The following CACNA1D variants were observed in gnomAD, a reference collection of about 807,000 sequenced individuals.
CACNA1D encodes voltage-dependent L-type calcium channel subunit alpha-1D.
A neutral mutation model predicts 257.1 loss-of-function variants in CACNA1D; 55 were observed. That is an observed-to-expected ratio of 0.21 (90% CI 0.17 to 0.27). CACNA1D has a LOEUF of 0.27. Ranked by LOEUF, CACNA1D falls within the 10% of genes least tolerant of loss-of-function variation. CACNA1D has a pLI of 1.00. For synonymous variants in CACNA1D, 980 were observed against 1,014.9 expected (o/e 0.97, Z 0.65); for missense variants, 1,876 against 2,784.0 (o/e 0.67, Z 7.34).
chr3:53,732,092 C>G lies in CACNA1D; in HGVS notation c.2473+10C>G. 6.2e-7 allele frequency: 1 copy of G among 1,603,292 alleles called. No homozygotes were observed. Among genetic ancestry groups the G allele is most frequent in the Non-Finnish European group, 8.5e-7 (1 of 1,170,168 alleles). On this transcript the variant is annotated intron_variant, in intron 18 of 47. Transcript: ENST00000350061. Reference sequence around the variant, plus strand: ...CCTTGCGATGTGCCAGGTATGGTGGCGGAGGCCGGAGACGCTGGCTTTGCT... The same window carrying G: ...CCTTGCGATGTGCCAGGTATGGTGGGGGAGGCCGGAGACGCTGGCTTTGCT...
intron 3 of CACNA1D, among the ~76,000 whole-genome samples, chr3:53,594,962 A>G (rs1559891596): frequency 6.6e-6 from 1 of 152,218 alleles, no homozygotes; most frequent in South Asian, 2.1e-4. Flanking sequence ...GAATTCGTCT[A>G]TTGATCAGGC....
At chr3:53,506,793 C>T (rs1303444307) in intron 3 of CACNA1D, among the ~76,000 whole-genome samples, 3 of 152,196 alleles carry the variant, frequency 2.0e-5, no homozygotes, top group East Asian at 3.8e-4. Flanking sequence ...AGAAGAAAGA[C>T]AAGTACTTGA....
intron 2 of CACNA1D, among the ~76,000 whole-genome samples, chr3:53,498,174 G>C (rs2090431307): frequency 6.6e-6 from 1 of 152,158 alleles, no homozygotes; most frequent in South Asian, 2.1e-4. Flanking sequence ...TCTTCCTCCT[G>C]GGCCCTTATG....
At position 53,811,308 on chromosome 3, in the gene CACNA1D, C is replaced by A. The variant is rs550084711; in HGVS notation, c.6388C>A (p.Leu2130Ile). The A allele has an allele frequency of 6.2e-7, 1 of 1,613,222 alleles. No homozygotes were observed. Among genetic ancestry groups the A allele is most frequent in the East Asian group, 2.2e-5 (1 of 44,848 alleles). Residue 2130 changes from leucine (L) to isoleucine (I), a missense_variant, in exon 48 of 48, where the codon CTA (leucine) becomes ATA (isoleucine). Physicochemically the swap from Leu to Ile is conservative, Grantham distance 5. Around this residue, in one of 10 missense-constraint regions of CACNA1D, gnomAD observed 491 missense variants for 554.3 expected, o/e 0.89. Coordinates refer to ENST00000350061, the MANE Select transcript of CACNA1D (RefSeq NM_001128840.3). The surrounding 1 kb of genome is among the most constrained non-coding windows in gnomAD (Gnocchi z 4.2). Reference protein sequence around the residue: ...GPLSHRQDYELQDFGPGYSDE... With the variant: ...GPLSHRQDYEIQDFGPGYSDE... ...CCTCTCACACCGGCAGGACTATGAG[C>A]TACAGGACTTTGGTCCTGGCTACAG...
At chr3:53,608,606 T>C (rs959915810) in intron 3 of CACNA1D, among the ~76,000 whole-genome samples, 4 of 152,228 alleles carry the variant, frequency 2.6e-5, no homozygotes, top group African/African-American at 9.6e-5. Context: ...TGATGCTAGC[T>C]GTGGGTTTGT....
chr3:53,675,229 C>T (rs780008718), intron 8 of CACNA1D, among the ~76,000 whole-genome samples: 6 of 152,208 alleles, frequency 3.9e-5, no homozygotes, highest in Non-Finnish European at 7.3e-5. Context: ...TGAGCCGCCT[C>T]CTGTAGATGA....
chr3:53,512,818 G>A (rs796319956), intron 3 of CACNA1D, among the ~76,000 whole-genome samples: 1 of 152,186 alleles, frequency 6.6e-6, no homozygotes, highest in Non-Finnish European at 1.5e-5. Context: ...TGTAGTATTA[G>A]GTCGGTGCAA....
intron 9 of CACNA1D, among the ~76,000 whole-genome samples, chr3:53,706,028 C>A (rs528200044): frequency 3.9e-5 from 6 of 152,194 alleles, no homozygotes; most frequent in South Asian, 2.1e-4. Flanking sequence ...GCCAGTGTTA[C>A]GGTGTCTGCA....
intron 21 of CACNA1D, chr3:53,740,541 C>T (rs111261808): frequency 8.5e-5 from 43 of 504,032 alleles, no homozygotes; most frequent in African/African-American, 6.5e-4. Flanking sequence ...AGGAAAGAAG[C>T]GTGGAGTGCT....
intron 9 of CACNA1D, chr3:53,710,491 G>C: frequency 2.2e-6 from 1 of 456,728 alleles, no homozygotes; most frequent in East Asian, 6.9e-5. Context: ...AAATTGCTGA[G>C]ACTGAGCTTT....
intron 3 of CACNA1D, among the ~76,000 whole-genome samples, chr3:53,544,803 G>A (rs1210766991): frequency 2.6e-5 from 4 of 152,336 alleles, no homozygotes; most frequent in African/African-American, 9.6e-5. Flanking sequence ...ACAGACTTGG[G>A]TTTGAATCTT....
chr3:53,517,772 G>A (rs1425701500), intron 3 of CACNA1D, among the ~76,000 whole-genome samples: 3 of 152,078 alleles, frequency 2.0e-5, no homozygotes, highest in Non-Finnish European at 2.9e-5. Flanking sequence ...ATGAGCCACC[G>A]TGCCCGGCCA....
chr3:53,550,520 TTTC>T (rs1247509033), intron 3 of CACNA1D, among the ~76,000 whole-genome samples: 1 of 152,232 alleles, frequency 6.6e-6, no homozygotes. Flanking sequence ...TCACTGCCAG[TTTC>T]TTCTTTGAAT....
At chr3:53,587,108 A>T (rs905618107) in intron 3 of CACNA1D, among the ~76,000 whole-genome samples, 3 of 152,212 alleles carry the variant, frequency 2.0e-5, no homozygotes, top group African/African-American at 7.2e-5. Context: ...GTGAGAAGCC[A>T]CTAAAGGGTT....
chr3:53,798,359 G>A (rs974101327), intron 40 of CACNA1D, among the ~76,000 whole-genome samples: 10 of 152,022 alleles, frequency 6.6e-5, no homozygotes, highest in East Asian at 1.9e-4. Context: ...GCACGTGCAC[G>A]CACGTGTATG....
At chr3:53,511,110 T>C (rs112781400) in intron 3 of CACNA1D, among the ~76,000 whole-genome samples, 32 of 152,304 alleles carry the variant, frequency 2.1e-4, no homozygotes, top group Non-Finnish European at 3.2e-4. Flanking sequence ...ATCCGGTATG[T>C]CTCTGATGTC....
intron 14 of CACNA1D, among the ~76,000 whole-genome samples, chr3:53,725,394 C>T (rs2094925858): frequency 6.6e-6 from 1 of 152,190 alleles, no homozygotes; most frequent in Non-Finnish European, 1.5e-5. Flanking sequence ...AGCCCACATA[C>T]ACAGGGCTCC....
chr3:53,762,548 C>T (rs1031546969), intron 30 of CACNA1D: 9 of 457,066 alleles, frequency 2.0e-5, no homozygotes, highest in Non-Finnish European at 2.2e-5. Context: ...CTTGCCCTAA[C>T]AGCACTATTT....
chr3:53,792,620 C>CCAAG lies in CACNA1D; in HGVS notation c.4923+5671_4923+5674dup, dbSNP rs534590132. Among the ~76,000 whole-genome samples, 879 of 152,168 alleles carry CCAAG rather than the reference C, an allele frequency of 5.8e-3. 2 individuals carry two copies. The highest frequency in any genetic ancestry group is 0.017 in the Middle Eastern group (5 of 294). On this transcript the variant is annotated intron_variant, in intron 40 of 47. Transcript: ENST00000350061. ...TATTCCTGTAGAAGTGGACACCCTT[C>CCAAG]CAAGCATCCTGGGAGGGCAGGAGTC...
Sources: allele counts gnomAD v4.1 joint callset (sites outside exome capture counted in the v4.1 genomes callset), GRCh38; gene constraint gnomAD v4.1.1; regional missense constraint gnomAD v4.1.1; non-coding constraint Gnocchi (gnomAD v3.1); transcripts MANE v1.5; gene names NCBI Gene and HGNC (gene_info 2026-07-23, HGNC 2026-07-21).